APLP2: variants seen among roughly 807,000 people sequenced by gnomAD.
APLP2 encodes the protein CDEI box-binding protein.
A neutral mutation model predicts 89.9 loss-of-function variants in APLP2; 53 were observed. The ratio of observed to expected loss-of-function variants is 0.59; its 90% CI spans 0.47 to 0.74. APLP2 has a LOEUF of 0.74. APLP2 is among the 30% of genes least tolerant of loss of function. The pLI is 0.00. For synonymous variants in APLP2, 372 were observed against 348.6 expected (o/e 1.07, Z -0.75); for missense variants, 973 against 975.9 (o/e 1.00, Z 0.04).
chr11:130,134,448 A>G (rs1351924870), intron 12 of APLP2, among the ~76,000 whole-genome samples: 1 of 152,224 alleles, frequency 6.6e-6, no homozygotes, highest in Non-Finnish European at 1.5e-5. Context: ...TGTGGCTACA[A>G]CATAGCAAAG....
chr11:130,097,432 G>A (rs1946356563), intron 1 of APLP2, among the ~76,000 whole-genome samples: 1 of 152,216 alleles, frequency 6.6e-6, no homozygotes, highest in Non-Finnish European at 1.5e-5. Flanking sequence ...GGCGACTCAT[G>A]CCTGTAATTC....
chr11:130,133,864 G>A (rs1951218818), intron 12 of APLP2, 136 bp downstream of exon 12: 6 of 660,824 alleles, frequency 9.1e-6, no homozygotes, highest in African/African-American at 3.6e-5. Context: ...GGCTTCAGAA[G>A]CCTGGAGTCC....
At chr11:130,080,372 T>G (rs1942936532) in intron 1 of APLP2, among the ~76,000 whole-genome samples, 1 of 151,930 alleles carries the variant, frequency 6.6e-6, no homozygotes, top group Non-Finnish European at 1.5e-5. Flanking sequence ...GCCTGGCTAA[T>G]TTTTGTATTT....
At position 130,079,087 on chromosome 11, in the gene APLP2, A is replaced by T. The variant is rs560759135; in HGVS notation, c.105+9005A>T. On this transcript the variant is annotated intron_variant, in intron 1 of 16. Coordinates refer to ENST00000338167, the MANE Select transcript of APLP2 (RefSeq NM_001142276.2). ...CGGGAACATGACATGTATTTTTTTT[A>T]TTTATTTATTTATTTATTTATTTAT... 2.1e-3 allele frequency among the ~76,000 whole-genome samples: 318 copies of T among 150,738 alleles called. 1 individual carries two copies. The highest frequency in any genetic ancestry group is 7.1e-3 in the South Asian group (34 of 4,796).
At position 130,123,851 on chromosome 11, in the gene APLP2, G is replaced by T; in HGVS notation, c.1090+72G>T. 1 of 1,547,344 alleles carries T rather than the reference G, an allele frequency of 6.5e-7. No individual in the cohort carries two copies. Among genetic ancestry groups the T allele is most frequent in the Non-Finnish European group, 8.8e-7 (1 of 1,134,140 alleles). Reference sequence around the variant, plus strand: ...TGGCGTCCGTCTCCCTGCCGTCTTCGTGGCTGCATCTGTGTGGTGTCCCTG... The same window carrying T: ...TGGCGTCCGTCTCCCTGCCGTCTTCTTGGCTGCATCTGTGTGGTGTCCCTG... On this transcript the variant is annotated intron_variant, in intron 7 of 16. Transcript: ENST00000338167. This position sits in a 1 kb window ranked among gnomAD's most constrained non-coding sequence, Gnocchi z 4.0.
At chr11:130,130,312 C>T (rs957565734) in intron 11 of APLP2, 146 bp downstream of exon 11, 24 of 1,092,368 alleles carry the variant, frequency 2.2e-5, no homozygotes, top group Admixed American at 7.5e-5. Flanking sequence ...ACATTCGGTA[C>T]GTGAACTGGT....
chr11:130,098,938 A>G (rs1946557684), intron 1 of APLP2, among the ~76,000 whole-genome samples: 1 of 152,186 alleles, frequency 6.6e-6, no homozygotes, highest in African/African-American at 2.4e-5. Context: ...AATGAGTAGT[A>G]CTTCTGAGTG....
At chr11:130,110,196 A>G (rs990894774) in intron 2 of APLP2, among the ~76,000 whole-genome samples, 1 of 152,174 alleles carries the variant, frequency 6.6e-6, no homozygotes, top group Non-Finnish European at 1.5e-5. Flanking sequence ...GTTTCCATAG[A>G]CTTGCCTCAC....
chr11:130,102,684 G>C (rs1479385019), intron 1 of APLP2, among the ~76,000 whole-genome samples: 1 of 152,120 alleles, frequency 6.6e-6, no homozygotes, highest in Non-Finnish European at 1.5e-5. Context: ...CATCACTTGA[G>C]GTGATTAAAG....
chr11:130,081,359 T>C (rs1464117524), intron 1 of APLP2, among the ~76,000 whole-genome samples: 1 of 152,214 alleles, frequency 6.6e-6, no homozygotes, highest in Non-Finnish European at 1.5e-5. Flanking sequence ...CATTTTGAGT[T>C]ATTGCATAGG....
chr11:130,143,454 A>T lies in APLP2; in HGVS notation c.*6A>T, dbSNP rs1362796060. 6.2e-7 allele frequency: 1 copy of T among 1,612,094 alleles called. No individual in the cohort carries two copies. The highest frequency in any genetic ancestry group is 1.7e-5 in the Admixed American group (1 of 60,024). ...TGGAGCAGATGCAGATTTAGGTGGC[A>T]GGGAGCGCGGCAGCCCTGGCGGAGG... On this transcript the variant is annotated 3_prime_UTR_variant, in exon 17 of 17. Coordinates refer to ENST00000338167, the MANE Select transcript of APLP2 (RefSeq NM_001142276.2).
chr11:130,131,981 T>C (rs1483990150), intron 11 of APLP2, among the ~76,000 whole-genome samples: 1 of 152,216 alleles, frequency 6.6e-6, no homozygotes. Context: ...TTTGCAGATA[T>C]TCAGCCTGTT....
intron 1 of APLP2, among the ~76,000 whole-genome samples, chr11:130,105,749 G>A (rs1591802019): frequency 7.0e-6 from 1 of 143,340 alleles, no homozygotes; most frequent in African/African-American, 2.7e-5. Context: ...TGTTGCCCAG[G>A]CTGGAGTGCA....
At chr11:130,109,811 T>A in intron 2 of APLP2, 1 of 490,018 alleles carries the variant, frequency 2.0e-6, no homozygotes, top group Non-Finnish European at 3.5e-6. Context: ...CTCAGTTCTT[T>A]AAGGAAGGGA....
At position 130,070,035 on chromosome 11, in the gene APLP2, C is replaced by T; in HGVS notation, c.58C>T (p.Leu20=). The change falls in exon 1 of 17, where the codon CTG becomes TTG. Residue 20 remains leucine (L), a synonymous_variant. Coordinates refer to ENST00000338167, the MANE Select transcript of APLP2 (RefSeq NM_001142276.2). ...AATGRLLLLL[L]VGLTAPALAL... ...CACGGGCAGGCTCCTGCTTCTGCTG[C>T]TGGTGGGGCTCACGGCGCCTGCCTT... is the stretch of plus-strand genomic sequence containing the variant. 6.6e-7 allele frequency: 1 copy of T among 1,513,960 alleles called. No homozygotes were observed. The highest frequency in any genetic ancestry group is 8.8e-7 in the Non-Finnish European group (1 of 1,138,810). 93.8% of individuals were successfully genotyped at this position (1,513,960 alleles called of 1,614,324 possible).
At chr11:130,110,804 G>T in intron 3 of APLP2, 143 bp downstream of exon 3, 4 of 1,123,264 alleles carry the variant, frequency 3.6e-6, no homozygotes, top group Non-Finnish European at 4.9e-6. Flanking sequence ...TCTCTTAGGG[G>T]TGTTTGCTGG....
chr11:130,094,870 A>G (rs777573460), intron 1 of APLP2, among the ~76,000 whole-genome samples: 9 of 152,204 alleles, frequency 5.9e-5, no homozygotes, highest in Non-Finnish European at 2.9e-5. Context: ...AAGCAGGGAA[A>G]TGGAGGGCCA....
chr11:130,124,200 C>T (rs912953688), intron 7 of APLP2, among the ~76,000 whole-genome samples: 2 of 152,180 alleles, frequency 1.3e-5, no homozygotes, highest in African/African-American at 4.8e-5. Flanking sequence ...TCACTGACCC[C>T]TGTGATGCAT....
chr11:130,141,876 G>A lies in APLP2; in HGVS notation c.1999-43G>A, dbSNP rs1952445205. The A allele has an allele frequency of 1.3e-6, 2 of 1,571,042 alleles. No individual in the cohort carries two copies. The highest frequency in any genetic ancestry group is 2.3e-5 in the South Asian group (2 of 85,898). ...TGAGTTACTTGCCTCACGGCTGCCA[G>A]ATGGTCACTGGGACTTTTTTCCACG... On this transcript the variant is annotated intron_variant, in intron 15 of 16. Coordinates refer to ENST00000338167, the MANE Select transcript of APLP2 (RefSeq NM_001142276.2). This position sits in a 1 kb window ranked among gnomAD's most constrained non-coding sequence, Gnocchi z 4.2.
Sources: allele counts gnomAD v4.1 joint callset (sites outside exome capture counted in the v4.1 genomes callset), GRCh38; gene constraint gnomAD v4.1.1; non-coding constraint Gnocchi (gnomAD v3.1); transcripts MANE v1.5; gene names NCBI Gene and HGNC (gene_info 2026-07-23, HGNC 2026-07-21).